ZNF804B: variants seen among roughly 807,000 people sequenced by gnomAD.
ZNF804B encodes the protein zinc finger 804B.
ZNF804B carries 80 observed loss-of-function variants against 101.4 expected under a neutral mutation model. The observed-to-expected ratio is 0.79, with a 90% CI of 0.66 to 0.95. The LOEUF (loss-of-function observed/expected upper bound fraction) is 0.95. Ranked by LOEUF, ZNF804B falls within the 40% of genes least tolerant of loss-of-function variation. ZNF804B has a pLI of 0.00. For missense variants in ZNF804B, 1,673 were observed against 1,561.9 expected (o/e 1.07, Z -1.20); for synonymous variants, 622 against 558.8 (o/e 1.11, Z -1.59).
intron 1 of ZNF804B, among the ~76,000 whole-genome samples, chr7:89,046,057 C>A (rs1376503904): frequency 6.6e-6 from 1 of 151,996 alleles, no homozygotes; most frequent in African/African-American, 2.4e-5. Context: ...AGACGTTACC[C>A]CCATGCTATT....
intron 2 of ZNF804B, among the ~76,000 whole-genome samples, chr7:89,292,558 T>C (rs146923754): frequency 1.4e-3 from 215 of 151,796 alleles, no homozygotes; most frequent in Admixed American, 2.3e-3. Flanking sequence ...ATACAACAAA[T>C]ACACAAAAAA....
chr7:89,024,501 CATT>C (rs1788716797), intron 1 of ZNF804B, among the ~76,000 whole-genome samples: 1 of 151,210 alleles, frequency 6.6e-6, no homozygotes, highest in Admixed American at 6.6e-5. Context: ...TCTGGACAAT[CATT>C]ATATTAGTAT....
intron 1 of ZNF804B, among the ~76,000 whole-genome samples, chr7:89,039,872 G>A (rs566364065): frequency 3.3e-4 from 50 of 152,000 alleles, no homozygotes; most frequent in Non-Finnish European, 5.7e-4. Flanking sequence ...TCTTTCATAT[G>A]TGATAAGTTG....
intron 1 of ZNF804B, among the ~76,000 whole-genome samples, chr7:88,872,584 G>A (rs7788728): frequency 0.44 from 65,621 of 150,492 alleles, 15,519 homozygotes; most frequent in African/African-American, 0.63. Flanking sequence ...TCGTCATCTA[G>A]CATTAGGTAT....
At chr7:88,967,420 C>A (rs1369192979) in intron 1 of ZNF804B, among the ~76,000 whole-genome samples, 1 of 151,546 alleles carries the variant, frequency 6.6e-6, no homozygotes, top group Admixed American at 6.6e-5. Context: ...CATGTCCTAC[C>A]AGGTCCTTCC....
intron 2 of ZNF804B, 109 bp downstream of exon 2, chr7:89,218,404 AT>A: frequency 7.7e-7 from 1 of 1,293,406 alleles, no homozygotes; most frequent in Non-Finnish European, 1.1e-6. Context: ...AGGTAAGAAC[AT>A]TTTATGTCTT....
intron 1 of ZNF804B, among the ~76,000 whole-genome samples, chr7:89,181,296 AT>A (rs1305249665): frequency 6.6e-6 from 1 of 152,142 alleles, no homozygotes; most frequent in East Asian, 1.9e-4. Context: ...TGGCTTAGAC[AT>A]TCTTTCAAAT....
At chr7:88,974,597 A>G (rs192987890) in intron 1 of ZNF804B, among the ~76,000 whole-genome samples, 35 of 151,444 alleles carry the variant, frequency 2.3e-4, no homozygotes, top group African/African-American at 7.7e-4. Flanking sequence ...ATTTACTATG[A>G]ACAAAAGGTT....
chr7:89,261,807 C>A (rs996548337), intron 2 of ZNF804B, among the ~76,000 whole-genome samples: 1 of 152,062 alleles, frequency 6.6e-6, no homozygotes, highest in African/African-American at 2.4e-5. Context: ...TAGTAAAGTA[C>A]AGTATTATGG....
At chr7:88,859,327 G>A (rs567138315) in intron 1 of ZNF804B, among the ~76,000 whole-genome samples, 10 of 152,054 alleles carry the variant, frequency 6.6e-5, no homozygotes, top group African/African-American at 2.2e-4. Context: ...CAGAAAAATT[G>A]GATTAGGCCA....
chr7:89,022,018 G>C (rs904173033), intron 1 of ZNF804B, among the ~76,000 whole-genome samples: 1 of 152,164 alleles, frequency 6.6e-6, no homozygotes, highest in Non-Finnish European at 1.5e-5. Context: ...ACAAGTGTTT[G>C]TGGTGACAGT....
chr7:88,772,903 G>A (rs982940968), intron 1 of ZNF804B, among the ~76,000 whole-genome samples: 1 of 152,154 alleles, frequency 6.6e-6, no homozygotes, highest in African/African-American at 2.4e-5. Flanking sequence ...GTGGGGGGAA[G>A]GTCTTGAATG....
intron 1 of ZNF804B, among the ~76,000 whole-genome samples, chr7:89,071,794 A>ACACACG (rs1324385231): frequency 6.9e-6 from 1 of 145,446 alleles, no homozygotes; most frequent in Admixed American, 6.7e-5. Context: ...ACACACACAC[A>ACACACG]CACACACACA....
intron 2 of ZNF804B, among the ~76,000 whole-genome samples, chr7:89,231,804 A>G (rs533588110): frequency 6.6e-6 from 1 of 152,120 alleles, no homozygotes; most frequent in Non-Finnish European, 1.5e-5. Flanking sequence ...ATTTTGTTCA[A>G]CTTGGTTGTT....
chr7:88,867,965 A>G (rs572232409), intron 1 of ZNF804B, among the ~76,000 whole-genome samples: 2 of 152,072 alleles, frequency 1.3e-5, no homozygotes, highest in Non-Finnish European at 2.9e-5. Context: ...TTATACTAAT[A>G]TATAATGTCT....
chr7:88,845,526 TTC>T (rs1261370523), intron 1 of ZNF804B, among the ~76,000 whole-genome samples: 2 of 152,048 alleles, frequency 1.3e-5, no homozygotes, highest in Non-Finnish European at 2.9e-5. Flanking sequence ...CATAAAATGT[TTC>T]TGTTATTTTT....
At chr7:88,903,826 C>A (rs1032992468) in intron 1 of ZNF804B, among the ~76,000 whole-genome samples, 1 of 151,926 alleles carries the variant, frequency 6.6e-6, no homozygotes, top group Non-Finnish European at 1.5e-5. Context: ...TTGCTTTAAG[C>A]TCCTTATGGA....
At chr7:88,763,353 G>A (rs567666426) in intron 1 of ZNF804B, among the ~76,000 whole-genome samples, 66 of 152,210 alleles carry the variant, frequency 4.3e-4, no homozygotes, top group Middle Eastern at 3.4e-3. Context: ...AGTTTTTGCA[G>A]ATCAGTAAAC....
At chr7:88,786,319 A>G (rs2115672305) in intron 1 of ZNF804B, among the ~76,000 whole-genome samples, 1 of 152,226 alleles carries the variant, frequency 6.6e-6, no homozygotes, top group South Asian at 2.1e-4. Context: ...TGTGTCTTCC[A>G]TAGTCCCTAG....
Sources: allele counts gnomAD v4.1 joint callset (sites outside exome capture counted in the v4.1 genomes callset), GRCh38; gene constraint gnomAD v4.1.1; transcripts MANE v1.5; gene names NCBI Gene and HGNC (gene_info 2026-07-23, HGNC 2026-07-21).